CSMD1: variants seen among roughly 807,000 people sequenced by gnomAD.
The protein encoded by CSMD1 is CUB and Sushi multiple domains 1.
In CSMD1, 213 loss-of-function variants were observed where a neutral mutation model predicts 417.5. That is an observed-to-expected ratio of 0.51 (90% CI 0.46 to 0.57). CSMD1 has a LOEUF of 0.57. CSMD1 is among the 20% of genes least tolerant of loss of function. The pLI, the probability that CSMD1 is intolerant of heterozygous loss-of-function variation, is 0.00. For synonymous variants in CSMD1, 2,862 were observed against 1,736.8 expected, an observed-to-expected ratio of 1.65 and a Z score of -16.11; for missense variants, 6,923 against 4,529.7, an observed-to-expected ratio of 1.53 and a Z score of -15.17.
chr8:3,489,366 G>T (rs920678687), intron 11 of CSMD1, among the ~76,000 whole-genome samples: 2 of 152,148 alleles, frequency 1.3e-5, no homozygotes, highest in Non-Finnish European at 2.9e-5. Context: ...AGAGGGACGG[G>T]CATTTTAAAA....
At chr8:4,290,091 C>G (rs930660611) in intron 3 of CSMD1, among the ~76,000 whole-genome samples, 2 of 152,160 alleles carry the variant, frequency 1.3e-5, no homozygotes, top group African/African-American at 2.4e-5. Context: ...TAGTGGCATA[C>G]AGATGTGCAA....
intron 3 of CSMD1, among the ~76,000 whole-genome samples, chr8:4,313,916 A>G (rs1236409773): frequency 2.0e-5 from 3 of 152,042 alleles, no homozygotes; most frequent in Admixed American, 6.6e-5. Flanking sequence ...TGGGAGGCTG[A>G]GTCAGGAGAG....
chr8:3,991,241 T>G (rs1814724148), intron 5 of CSMD1, among the ~76,000 whole-genome samples: 1 of 152,166 alleles, frequency 6.6e-6, no homozygotes, highest in South Asian at 2.1e-4. Flanking sequence ...AAGTTAGAAA[T>G]TATCCGTACA....
chr8:3,152,486 C>T (rs977495584), intron 39 of CSMD1, among the ~76,000 whole-genome samples: 1 of 152,186 alleles, frequency 6.6e-6, no homozygotes, highest in Non-Finnish European at 1.5e-5. Flanking sequence ...CTTTTAGAGG[C>T]CCCCTAGGAC....
At chr8:4,037,097 T>A (rs890964270) in intron 3 of CSMD1, among the ~76,000 whole-genome samples, 3 of 152,138 alleles carry the variant, frequency 2.0e-5, no homozygotes, top group Non-Finnish European at 4.4e-5. Flanking sequence ...ACTGGAATAA[T>A]TGGATAAATT....
chr8:4,575,481 GA>G (rs1424085323), intron 2 of CSMD1, among the ~76,000 whole-genome samples: 1 of 152,166 alleles, frequency 6.6e-6, no homozygotes, highest in East Asian at 1.9e-4. Flanking sequence ...GTTATCTGAA[GA>G]AAAGGAATAA....
intron 2 of CSMD1, among the ~76,000 whole-genome samples, chr8:4,420,925 TG>T (rs1194200900): frequency 5.3e-5 from 8 of 152,216 alleles, no homozygotes; most frequent in Non-Finnish European, 1.2e-4. Flanking sequence ...CCCTGTCTTT[TG>T]GTTTATCACC....
intron 1 of CSMD1, among the ~76,000 whole-genome samples, chr8:4,709,890 C>G (rs145255819): frequency 6.6e-6 from 1 of 152,214 alleles, no homozygotes; most frequent in African/African-American, 2.4e-5. Context: ...TTAAAGTAAA[C>G]ACATCTGAAA....
chr8:3,782,967 A>T (rs1426700606), intron 5 of CSMD1, among the ~76,000 whole-genome samples: 6 of 152,184 alleles, frequency 3.9e-5, no homozygotes, highest in Non-Finnish European at 5.9e-5. Flanking sequence ...AATTGTAGGT[A>T]CAGGATTGTT....
At chr8:4,554,206 G>A (rs998319566) in intron 2 of CSMD1, among the ~76,000 whole-genome samples, 1 of 151,962 alleles carries the variant, frequency 6.6e-6, no homozygotes, top group South Asian at 2.1e-4. Context: ...GAGAAATCTC[G>A]GCTCACTGCA....
chr8:3,575,185 AAATGGTGCATGGACTCCAAC>A, intron 9 of CSMD1, 119 bp from the exon 10 acceptor site: 2 of 985,816 alleles, frequency 2.0e-6, no homozygotes, highest in Non-Finnish European at 2.9e-6. Context: ...AAAAAAAAAA[AAATGGTGCATGGACTCCAAC>A]TGGGGCATGG....
chr8:3,058,285 C>T (rs1304089505), intron 49 of CSMD1, among the ~76,000 whole-genome samples: 1 of 152,152 alleles, frequency 6.6e-6, no homozygotes, highest in Non-Finnish European at 1.5e-5. Context: ...CTTAAAATTA[C>T]TAGTACTTTA....
At chr8:3,190,156 C>A in intron 33 of CSMD1, 41 bp from the exon 34 acceptor site, 2 of 1,510,882 alleles carry the variant, frequency 1.3e-6, no homozygotes, top group South Asian at 1.2e-5. Flanking sequence ...GTATCTCCAT[C>A]AGCAAGCCAG....
Position 2,966,711 on chromosome 8 carries a change from C to T in CSMD1, c.8959G>A (p.Gly2987Arg). Residue 2987 changes from glycine (G) to arginine (R), a missense_variant, in exon 58 of 70, where the codon GGA (glycine) becomes AGA (arginine). Transcript: ENST00000635120. ...SCGNPGTPTNGMIVSSDGILF... is the reference protein window; with the variant it reads ...SCGNPGTPTNRMIVSSDGILF... Reference sequence around the variant, plus strand: ...ATGCCATCACTACTGACAATCATTCCGTTGGTGGGTGTGCCAGGGTTGCCA... The same window carrying T: ...ATGCCATCACTACTGACAATCATTCTGTTGGTGGGTGTGCCAGGGTTGCCA... The T allele has an allele frequency of 1.2e-6, 2 of 1,613,720 alleles. No homozygotes were observed. Among genetic ancestry groups the T allele is most frequent in the Non-Finnish European group, 1.7e-6 (2 of 1,179,814 alleles).
intron 26 of CSMD1, among the ~76,000 whole-genome samples, chr8:3,269,635 G>A (rs1300520187): frequency 3.3e-5 from 5 of 152,188 alleles, no homozygotes; most frequent in Non-Finnish European, 7.3e-5. Context: ...TTTTCCCTGG[G>A]ACTGGGGGAG....
Position 3,189,998 on chromosome 8 carries a change from T to A in CSMD1, c.5312A>T (p.Tyr1771Phe). The A allele has an allele frequency of 6.3e-7, 1 of 1,598,806 alleles. No homozygotes were observed. Reference sequence around the variant, plus strand: ...GAGCGCCGTGGAACCCTGAAGCAGGTATCCCGGGTTGCACTCGAATCGGAC... The same window carrying A: ...GAGCGCCGTGGAACCCTGAAGCAGGAATCCCGGGTTGCACTCGAATCGGAC... ...SIVRFECNPG[Y>F]LLQGSTALHC... The change falls in exon 34 of 70, where the codon TAC becomes TTC. Residue 1771 changes from tyrosine (Y) to phenylalanine (F), a missense_variant. Tyr to Phe is a conservative substitution (Grantham distance 22, BLOSUM62 3). Transcript: ENST00000635120.
intron 2 of CSMD1, among the ~76,000 whole-genome samples, chr8:4,553,538 A>AT (rs1050466538): frequency 5.2e-4 from 78 of 150,314 alleles, no homozygotes; most frequent in African/African-American, 1.9e-3. Context: ...TCTTTATGTG[A>AT]TTTTTTTAGC....
At chr8:4,295,079 T>G (rs1797585697) in intron 3 of CSMD1, among the ~76,000 whole-genome samples, 1 of 147,448 alleles carries the variant, frequency 6.8e-6, no homozygotes, top group Admixed American at 6.8e-5. Flanking sequence ...TACACACATA[T>G]AATCTTAAGA....
At chr8:3,942,434 C>T (rs71521892) in intron 5 of CSMD1, among the ~76,000 whole-genome samples, 1 of 152,058 alleles carries the variant, frequency 6.6e-6, no homozygotes, top group South Asian at 2.1e-4. Context: ...TTTATGGTAC[C>T]TGAACCACAC....
Sources: allele counts gnomAD v4.1 joint callset (sites outside exome capture counted in the v4.1 genomes callset), GRCh38; gene constraint gnomAD v4.1.1; transcripts MANE v1.5; gene names NCBI Gene and HGNC (gene_info 2026-07-23, HGNC 2026-07-21).